TEX36: variants seen among roughly 807,000 people sequenced by gnomAD.
The protein encoded by TEX36 is testis expressed 36, also known as testis-expressed protein 36.
Under a neutral mutation model 13.6 loss-of-function variants are expected in TEX36, and 12 were observed. The ratio of observed to expected loss-of-function variants is 0.88; its 90% CI spans 0.56 to 1.43. TEX36 has a LOEUF of 1.43. TEX36 is among the 40% of genes most tolerant of loss of function. The pLI, the probability that TEX36 is intolerant of heterozygous loss-of-function variation, is 0.00. For synonymous variants in TEX36, 93 were observed against 83.0 expected, an observed-to-expected ratio of 1.12 and a Z score of -0.65; for missense variants, 224 against 228.3, an observed-to-expected ratio of 0.98 and a Z score of 0.12.
intron 1 of TEX36, among the ~76,000 whole-genome samples, chr10:125,671,937 T>G (rs1847238015): frequency 6.6e-6 from 1 of 152,246 alleles, no homozygotes; most frequent in Non-Finnish European, 1.5e-5. Context: ...CATAATATTC[T>G]CTGATGTTTG....
chr10:125,668,840 G>C (rs149630211), intron 1 of TEX36, among the ~76,000 whole-genome samples: 1 of 152,130 alleles, frequency 6.6e-6, no homozygotes, highest in Non-Finnish European at 1.5e-5. Context: ...TACCATTTTT[G>C]ATGTAGGTAT....
At chr10:125,607,566 G>C (rs1165181229) in intron 3 of TEX36, among the ~76,000 whole-genome samples, 1 of 152,096 alleles carries the variant, frequency 6.6e-6, no homozygotes, top group Admixed American at 6.5e-5. Flanking sequence ...AGGTGCCAAA[G>C]AATATTGTTG....
At chr10:125,656,241 A>T in intron 3 of TEX36, 45 bp from the exon 4 acceptor site, 1 of 989,856 alleles carries the variant, frequency 1.0e-6, no homozygotes, top group Non-Finnish European at 1.4e-6. Context: ...ATTCAAGTTC[A>T]CATAGTTCTT....
At chr10:125,577,204 A>C (rs970178230) in intron 3 of TEX36, among the ~76,000 whole-genome samples, 11 of 152,212 alleles carry the variant, frequency 7.2e-5, no homozygotes, top group African/African-American at 2.7e-4. Context: ...TGGACAAAAC[A>C]GTAAATATCA....
At chr10:125,629,223 G>A (rs1397298079) in intron 3 of TEX36, among the ~76,000 whole-genome samples, 1 of 152,224 alleles carries the variant, frequency 6.6e-6, no homozygotes, top group African/African-American at 2.4e-5. Context: ...ACTGTGTGGT[G>A]TGCAAGGAGC....
At chr10:125,595,990 G>C (rs974537816) in intron 3 of TEX36, among the ~76,000 whole-genome samples, 1 of 152,172 alleles carries the variant, frequency 6.6e-6, no homozygotes, top group Non-Finnish European at 1.5e-5. Context: ...CACTTATAAA[G>C]TTAGATGTCA....
At position 125,638,634 on chromosome 10, in the gene TEX36, C is replaced by T. The variant is rs537231247; in HGVS notation, c.265-16989G>A. Among the ~76,000 whole-genome samples, 54 of 152,364 alleles carry T rather than the reference C, an allele frequency of 3.5e-4. 1 individual carries two copies. The South Asian group carries it at 0.01, about 29-fold the overall frequency. On this transcript the variant is annotated intron_variant, in intron 3 of 3. Transcript: ENST00000526819. The stretch of plus-strand genomic sequence containing the variant: ...ACTCGATTTCTCCATCAAGCTATCG[C>T]TACATCTTCTCCCTACGTGTCTAGT...
chr10:125,618,399 T>A (rs1846384878), downstream of TEX36, among the ~76,000 whole-genome samples: 1 of 152,254 alleles, frequency 6.6e-6, no homozygotes. Flanking sequence ...TGCTCTGTTT[T>A]TTCCCCATCT....
At chr10:125,630,284 G>A (rs1440125389) in intron 3 of TEX36, among the ~76,000 whole-genome samples, 1 of 152,170 alleles carries the variant, frequency 6.6e-6, no homozygotes, top group Admixed American at 6.5e-5. Context: ...ATTCAGACAG[G>A]GGATGGATTA....
chr10:125,656,073 C>T lies in TEX36; in HGVS notation c.388G>A (p.Val130Ile), dbSNP rs762593012. 1.2e-5 allele frequency: 19 copies of T among 1,551,608 alleles called. No individual in the cohort carries two copies. The highest frequency in any genetic ancestry group is 9.5e-5 in the South Asian group (8 of 84,042). ...DGFSNNQISY[V>I]YKEAMVVSSF... ...GAGACCACCATGGCTTCTTTATATA[C>T]GTATGATATTTGGTTATTTGAAAAG... The change falls in exon 4 of 4, where the codon GTA becomes ATA. Residue 130 changes from valine to isoleucine, a missense_variant. Val to Ile is a conservative substitution (Grantham distance 29). Transcript: ENST00000368821.
chr10:125,670,820 C>A (rs1847213732), intron 1 of TEX36, among the ~76,000 whole-genome samples: 1 of 152,106 alleles, frequency 6.6e-6, no homozygotes, highest in African/African-American at 2.4e-5. Flanking sequence ...CCAGTTCTCC[C>A]AGCACCATTT....
At chr10:125,581,235 C>T (rs556169729) in intron 3 of TEX36, among the ~76,000 whole-genome samples, 3 of 152,154 alleles carry the variant, frequency 2.0e-5, no homozygotes, top group African/African-American at 7.2e-5. Flanking sequence ...AACCCTCAGT[C>T]GGGGACGGGA....
intron 3 of TEX36, among the ~76,000 whole-genome samples, chr10:125,627,496 G>T (rs1846502476): frequency 6.6e-6 from 1 of 151,994 alleles, no homozygotes. Flanking sequence ...ATTAACTTAA[G>T]TTCTTGAAAG....
chr10:125,631,794 G>C (rs1449958628), intron 3 of TEX36, among the ~76,000 whole-genome samples: 1 of 152,148 alleles, frequency 6.6e-6, no homozygotes, highest in Non-Finnish European at 1.5e-5. Context: ...CCTGGTTGCT[G>C]ACACAGAAAG....
intron 3 of TEX36, among the ~76,000 whole-genome samples, chr10:125,624,931 A>G (rs1013562498): frequency 8.5e-5 from 13 of 152,190 alleles, no homozygotes; most frequent in Non-Finnish European, 1.6e-4. Flanking sequence ...AGAGCCGTCA[A>G]CACAGGAGCC....
intron 3 of TEX36, among the ~76,000 whole-genome samples, chr10:125,579,942 A>T (rs542454996): frequency 9.2e-5 from 14 of 152,340 alleles, no homozygotes; most frequent in African/African-American, 3.4e-4. Flanking sequence ...GTGAGAATGG[A>T]CTAATACAGT....
intron 3 of TEX36, among the ~76,000 whole-genome samples, chr10:125,591,666 C>A (rs1450818038): frequency 2.0e-5 from 3 of 152,198 alleles, no homozygotes; most frequent in Non-Finnish European, 4.4e-5. Flanking sequence ...TGTATTAGAG[C>A]AGATCTTAGT....
At chr10:125,615,732 G>A (rs1409337112) in intron 3 of TEX36, among the ~76,000 whole-genome samples, 1 of 151,596 alleles carries the variant, frequency 6.6e-6, no homozygotes, top group African/African-American at 2.4e-5. Flanking sequence ...AAGGATATTG[G>A]TCTAAAATTC....
At chr10:125,576,818 A>G in exon 4 of TEX36, 1 of 1,536,080 alleles carries the variant, frequency 6.5e-7, no homozygotes. Context: ...TCACCGGCTC[A>G]TAGAACTCTT....
Sources: allele counts gnomAD v4.1 joint callset (sites outside exome capture counted in the v4.1 genomes callset), GRCh38; gene constraint gnomAD v4.1.1; transcripts MANE v1.5; gene names NCBI Gene and HGNC (gene_info 2026-07-23, HGNC 2026-07-21).